The following METTL16 variants were observed in gnomAD, a reference collection of about 807,000 sequenced individuals.
METTL16 encodes the protein RNA N(6)-adenosine-methyltransferase METTL16.
In METTL16, 19 loss-of-function variants were observed where a neutral mutation model predicts 57.9. The observed-to-expected ratio is 0.33, with a 90% confidence interval of 0.23 to 0.48. The LOEUF is 0.48. Ranked by LOEUF, METTL16 falls within the 20% of genes least tolerant of loss-of-function variation. The probability of loss-of-function intolerance (pLI) is 0.99; values close to 1 mark genes in which losing one functional copy is unlikely to be tolerated. For synonymous variants in METTL16, 246 were observed against 255.6 expected (o/e 0.96, Z 0.36); for missense variants, 434 against 691.5 (o/e 0.63, Z 4.18).
At chr17:2,509,410 G>A (rs2067570925) in intron 1 of METTL16, among the ~76,000 whole-genome samples, 1 of 152,070 alleles carries the variant, frequency 6.6e-6, no homozygotes, top group South Asian at 2.1e-4. Flanking sequence ...ATAAAACTAG[G>A]ATGGCCCCCA....
intron 1 of METTL16, among the ~76,000 whole-genome samples, chr17:2,508,248 GT>G (rs960931474): frequency 6.6e-6 from 1 of 152,094 alleles, no homozygotes; most frequent in South Asian, 2.1e-4. Flanking sequence ...ATTTCAGATG[GT>G]TTTTTGACAG....
intron 2 of METTL16, among the ~76,000 whole-genome samples, chr17:2,483,208 C>T (rs1567901129): frequency 6.6e-6 from 1 of 151,994 alleles, no homozygotes; most frequent in African/African-American, 2.4e-5. Context: ...AAAGCTTAAC[C>T]AAAAGTATCC....
At chr17:2,442,403 AGACACAGATCAAAGTTCAGAGATGCT>A (rs1475560341) in intron 6 of METTL16, among the ~76,000 whole-genome samples, 2 of 152,204 alleles carry the variant, frequency 1.3e-5, no homozygotes, top group Non-Finnish European at 2.9e-5. Flanking sequence ...TGAGTTGATG[AGACACAGATCAAAGTTCAGAGATGCT>A]GACGGAGTTA....
intron 2 of METTL16, among the ~76,000 whole-genome samples, chr17:2,480,142 T>C (rs1296649171): frequency 2.8e-5 from 4 of 145,066 alleles, no homozygotes; most frequent in African/African-American, 1.0e-4. Flanking sequence ...GCCGAGACTG[T>C]GCCACTGCAC....
intron 6 of METTL16, among the ~76,000 whole-genome samples, chr17:2,448,226 A>G (rs1291062840): frequency 1.4e-4 from 20 of 141,854 alleles, no homozygotes; most frequent in South Asian, 2.2e-4. Flanking sequence ...CCCGGCCACG[A>G]CCCCGTCTGG....
At chr17:2,439,303 G>T (rs1019258712) in intron 7 of METTL16, among the ~76,000 whole-genome samples, 2 of 152,016 alleles carry the variant, frequency 1.3e-5, no homozygotes, top group African/African-American at 4.8e-5. Flanking sequence ...GTTGAGATGA[G>T]ATTTCGCTGT....
chr17:2,501,239 G>A (rs1342779368), intron 2 of METTL16, among the ~76,000 whole-genome samples: 2 of 152,134 alleles, frequency 1.3e-5, no homozygotes. Context: ...ACCAGCCTGG[G>A]CAATATGACA....
intron 2 of METTL16, among the ~76,000 whole-genome samples, chr17:2,488,950 C>A (rs1348099598): frequency 1.3e-5 from 2 of 152,142 alleles, no homozygotes; most frequent in Non-Finnish European, 2.9e-5. Flanking sequence ...TTTAAACACT[C>A]TCATGGGTCA....
intron 6 of METTL16, among the ~76,000 whole-genome samples, chr17:2,450,328 G>T (rs1370743703): frequency 6.6e-6 from 1 of 152,184 alleles, no homozygotes; most frequent in Non-Finnish European, 1.5e-5. Context: ...GCTGCTACGT[G>T]AAAGAAAGCA....
At chr17:2,472,804 G>A (rs1278138301) in intron 4 of METTL16, among the ~76,000 whole-genome samples, 2 of 152,142 alleles carry the variant, frequency 1.3e-5, no homozygotes, top group African/African-American at 4.8e-5. Flanking sequence ...GTAAAACTGT[G>A]GAGACAGTAA....
At chr17:2,458,322 T>C (rs553088898) in intron 6 of METTL16, among the ~76,000 whole-genome samples, 6 of 152,124 alleles carry the variant, frequency 3.9e-5, no homozygotes, top group Non-Finnish European at 7.4e-5. Flanking sequence ...CCTAAAATCA[T>C]TGCCATAAAG....
chr17:2,507,415 G>A (rs1436900884), intron 1 of METTL16, among the ~76,000 whole-genome samples: 8 of 149,490 alleles, frequency 5.4e-5, no homozygotes, highest in Admixed American at 4.0e-4. Flanking sequence ...GCCCCATCCG[G>A]GAGGTGAGGG....
At position 2,476,502 on chromosome 17, in the gene METTL16, T is replaced by C. The variant is rs150787124; in HGVS notation, c.328+1184A>G. ...ATGAAAGAGGAAACCAGCAGTCTGG[T>C]GTCATGGAAGCCAATGAAGGAGAGT... is the stretch of plus-strand genomic sequence containing the variant. On this transcript the variant is annotated intron_variant, in intron 3 of 9. Coordinates refer to ENST00000263092, the MANE Select transcript of METTL16 (RefSeq NM_024086.4). 8.0e-4 allele frequency among the ~76,000 whole-genome samples: 122 copies of C among 152,274 alleles called. 1 individual carries two copies. Among genetic ancestry groups the C allele is most frequent in the African/African-American group, 2.6e-3 (109 of 41,562 alleles).
Position 2,452,136 on chromosome 17 carries a change from CAA to C in METTL16, c.729-10579_729-10578del, listed in dbSNP as rs1268908998. ...TGGATGACAGAGCAAGCCCTTGTCT[CAA>C]AAAAAAAAAAAAAAAAAAGATACTG... On this transcript the variant is annotated intron_variant, in intron 6 of 9. Coordinates refer to ENST00000263092, the MANE Select transcript of METTL16 (RefSeq NM_024086.4). Among the ~76,000 whole-genome samples the C allele has an allele frequency of 7.3e-3, 456 of 62,130 alleles. 2 individuals are homozygous for C. Among genetic ancestry groups the C allele is most frequent in the African/African-American group, 0.016 (405 of 24,760 alleles). 40.8% of individuals were successfully genotyped at this position (62,130 alleles called of 152,430 possible).
At chr17:2,495,554 G>T (rs1044435727) in intron 2 of METTL16, among the ~76,000 whole-genome samples, 5 of 151,620 alleles carry the variant, frequency 3.3e-5, no homozygotes, top group Non-Finnish European at 7.4e-5. Flanking sequence ...AATTAGCCAG[G>T]TGTGGTTGTG....
chr17:2,429,979 T>A (rs574828037), intron 8 of METTL16, among the ~76,000 whole-genome samples: 1 of 131,806 alleles, frequency 7.6e-6, no homozygotes, highest in Non-Finnish European at 1.8e-5. Flanking sequence ...CCCGGCTAAT[T>A]TTTTTCTATT....
intron 1 of METTL16, among the ~76,000 whole-genome samples, chr17:2,507,281 A>G (rs529803314): frequency 3.2e-5 from 3 of 93,672 alleles, no homozygotes; most frequent in Admixed American, 1.1e-4. Flanking sequence ...TACTGGGAAG[A>G]GAGGAGCCCC....
intron 2 of METTL16, among the ~76,000 whole-genome samples, chr17:2,496,728 G>A (rs963480544): frequency 6.6e-5 from 10 of 151,568 alleles, no homozygotes; most frequent in Non-Finnish European, 1.2e-4. Context: ...AATGCCAACA[G>A]TGTTAGGAGG....
At chr17:2,502,684 G>T (rs534229516) in intron 1 of METTL16, among the ~76,000 whole-genome samples, 1 of 150,988 alleles carries the variant, frequency 6.6e-6, no homozygotes, top group Non-Finnish European at 1.5e-5. Flanking sequence ...GCGAAACTCC[G>T]TCTCAAAAAA....
Sources: allele counts gnomAD v4.1 joint callset (sites outside exome capture counted in the v4.1 genomes callset), GRCh38; gene constraint gnomAD v4.1.1; transcripts MANE v1.5; gene names NCBI Gene and HGNC (gene_info 2026-07-23, HGNC 2026-07-21).